Variants in GPHN observed in about 807,000 individuals in gnomAD.
GPHN encodes gephyrin.
Under a neutral mutation model 95.5 loss-of-function variants are expected in GPHN, and 17 were observed. The ratio of observed to expected loss-of-function variants is 0.18; its 90% CI spans 0.12 to 0.27. The LOEUF (loss-of-function observed/expected upper bound fraction) is 0.27, where lower values mean the gene tolerates loss of function less well. GPHN is among the 10% of genes least tolerant of loss of function. GPHN has a pLI of 1.00. For synonymous variants in GPHN, 320 were observed against 322.5 expected, an observed-to-expected ratio of 0.99 and a Z score of 0.08; for missense variants, 660 against 978.1, an observed-to-expected ratio of 0.67 and a Z score of 4.34.
At chr14:66,959,785 A>G (rs1372811076) in intron 8 of GPHN, among the ~76,000 whole-genome samples, 2 of 151,964 alleles carry the variant, frequency 1.3e-5, no homozygotes, top group Non-Finnish European at 2.9e-5. Flanking sequence ...AAATTTGGGA[A>G]GTTTTTAGGC....
At chr14:66,705,721 C>G (rs1467448906) in intron 2 of GPHN, among the ~76,000 whole-genome samples, 1 of 152,182 alleles carries the variant, frequency 6.6e-6, no homozygotes, top group Non-Finnish European at 1.5e-5. Context: ...ACTGAATGGG[C>G]AAAAGCTAGA....
At chr14:67,485,666 C>T in the GPHN span, among the ~76,000 whole-genome samples, 11 of 152,346 alleles carry the variant, frequency 7.2e-5, no homozygotes, top group African/African-American at 2.6e-4. Flanking sequence ...TAACAGCCTT[C>T]AGGCCAGACA....
At chr14:67,326,610 T>C in the GPHN span, among the ~76,000 whole-genome samples, 1 of 152,174 alleles carries the variant, frequency 6.6e-6, no homozygotes, top group South Asian at 2.1e-4. Context: ...AGTTTTCTTA[T>C]GCCCCTTTGA....
chr14:67,577,403 A>G, the GPHN span: 1 of 1,578,496 alleles, frequency 6.3e-7, no homozygotes, highest in Non-Finnish European at 8.6e-7. Context: ...GGAGGCCCTC[A>G]AGCTCTTCAA....
the GPHN span, among the ~76,000 whole-genome samples, chr14:67,530,240 T>TATC: frequency 6.6e-6 from 1 of 152,210 alleles, no homozygotes; most frequent in African/African-American, 2.4e-5. Context: ...GACAACATAC[T>TATC]ATCTCATTTA....
At chr14:66,823,522 A>T (rs1440799753) in intron 3 of GPHN, among the ~76,000 whole-genome samples, 1 of 152,196 alleles carries the variant, frequency 6.6e-6, no homozygotes, top group Non-Finnish European at 1.5e-5. Flanking sequence ...ATGGGCTCTC[A>T]GTTATCTACA....
intron 4 of GPHN, chr14:66,842,620 CT>C (rs1397719192): frequency 1.5e-6 from 2 of 1,314,698 alleles, no homozygotes; most frequent in African/African-American, 2.9e-5. Flanking sequence ...TAAATTTGAC[CT>C]GCTTTCCTCA....
chr14:67,166,751 C>T (rs2082302379), intron 20 of GPHN, among the ~76,000 whole-genome samples: 1 of 152,192 alleles, frequency 6.6e-6, no homozygotes, highest in African/African-American at 2.4e-5. Context: ...CTCACTGCAA[C>T]CTCTGCCTCC....
intron 5 of GPHN, among the ~76,000 whole-genome samples, chr14:66,911,724 CAT>C: frequency 6.6e-6 from 1 of 151,968 alleles, no homozygotes; most frequent in Non-Finnish European, 1.5e-5. Context: ...TCAAGTTTAA[CAT>C]AGAATATTGA....
intron 4 of GPHN, among the ~76,000 whole-genome samples, chr14:66,873,710 T>C (rs2063537443): frequency 6.6e-6 from 1 of 152,176 alleles, no homozygotes; most frequent in South Asian, 2.1e-4. Flanking sequence ...ACTGCCTCTC[T>C]AGATTCCTTC....
the GPHN span, chr14:67,725,120 G>A: frequency 5.6e-6 from 9 of 1,614,190 alleles, no homozygotes; most frequent in Non-Finnish European, 7.6e-6. Context: ...TATATTGCCT[G>A]CAGAGATGTA....
chr14:66,819,477 G>A (rs564078671), intron 3 of GPHN, among the ~76,000 whole-genome samples: 50 of 152,102 alleles, frequency 3.3e-4, no homozygotes, highest in African/African-American at 1.1e-3. Context: ...GTAGGTGTGC[G>A]GTCTTATTTT....
intron 3 of GPHN, among the ~76,000 whole-genome samples, chr14:66,781,941 A>G (rs985138391): frequency 2.0e-5 from 3 of 152,210 alleles, no homozygotes; most frequent in Non-Finnish European, 4.4e-5. Context: ...TTCCTGACTG[A>G]AATCTCACTT....
At chr14:67,030,503 C>G (rs2153630405) in intron 10 of GPHN, among the ~76,000 whole-genome samples, 1 of 152,238 alleles carries the variant, frequency 6.6e-6, no homozygotes, top group East Asian at 1.9e-4. Flanking sequence ...GAATTCAGTG[C>G]ACCAGCCATA....
At chr14:67,482,429 T>G in the GPHN span, among the ~76,000 whole-genome samples, 1 of 152,128 alleles carries the variant, frequency 6.6e-6, no homozygotes, top group Admixed American at 6.5e-5. Flanking sequence ...CAGAGAAGCA[T>G]CTGGCCAGAA....
the GPHN span, among the ~76,000 whole-genome samples, chr14:67,499,195 G>T: frequency 6.6e-6 from 1 of 151,860 alleles, no homozygotes; most frequent in African/African-American, 2.4e-5. Flanking sequence ...GTAGATATGG[G>T]GTCCTGCTAT....
At chr14:66,576,178 T>C (rs2060892585) in intron 1 of GPHN, among the ~76,000 whole-genome samples, 1 of 152,070 alleles carries the variant, frequency 6.6e-6, no homozygotes, top group South Asian at 2.1e-4. Context: ...ATGGGCCAGG[T>C]TGGAGTCTCA....
chr14:66,948,646 A>G (rs1010068218), intron 8 of GPHN, among the ~76,000 whole-genome samples: 1 of 152,192 alleles, frequency 6.6e-6, no homozygotes, highest in Non-Finnish European at 1.5e-5. Context: ...GCCATTTCAC[A>G]TACTACCAGA....
chr14:66,813,912 C>A (rs1472600676), intron 3 of GPHN, among the ~76,000 whole-genome samples: 1 of 152,176 alleles, frequency 6.6e-6, no homozygotes, highest in Non-Finnish European at 1.5e-5. Flanking sequence ...ACTGATGGAC[C>A]ATGCCTGACC....
Sources: gnomAD v4.1 joint callset for allele counts (sites outside exome capture counted in the v4.1 genomes callset) on GRCh38, gnomAD v4.1.1 for gene constraint, MANE v1.5 for transcripts, NCBI Gene and HGNC (gene_info 2026-07-23, HGNC 2026-07-21) for gene names.